Variants in KCNH1 observed in about 807,000 individuals in gnomAD.
KCNH1 encodes the protein potassium voltage-gated channel subfamily H member 1, also known as voltage-gated delayed rectifier potassium channel KCNH1.
Under a neutral mutation model 69.2 loss-of-function variants are expected in KCNH1, and 27 were observed. That is an observed-to-expected ratio of 0.39 (90% CI 0.29 to 0.54). KCNH1 has a LOEUF of 0.54. Among genes scored for constraint, KCNH1 ranks in the 20% least tolerant of loss-of-function variants. The pLI, the probability that KCNH1 is intolerant of heterozygous loss-of-function variation, is 0.68. For missense variants in KCNH1, 798 were observed against 1,261.6 expected (o/e 0.63, Z 5.57); for synonymous variants, 456 against 487.7 (o/e 0.93, Z 0.86).
Position 210,683,941 on chromosome 1 carries a change from A to G in KCNH1, c.2310T>C (p.Asn770=), listed in dbSNP as rs757423462. 2.5e-6 allele frequency: 4 copies of G among 1,608,014 alleles called. No homozygotes were observed. In the South Asian group the frequency reaches 4.4e-5, roughly 18 times the overall value. Residue 770 remains asparagine (N), a synonymous_variant, in exon 11 of 11, where the codon AAT becomes AAC. Coordinates refer to ENST00000271751, the MANE Select transcript of KCNH1 (RefSeq NM_172362.3). This position sits in a 1 kb window ranked among gnomAD's most constrained non-coding sequence, Gnocchi z 5.7. ...TGGCGGAGGCATGCTCTGTAAGGAC[A>G]TTGCCCTTCTCCACATCTAGGTCAT... ...DLDDLDVEKG[N]VLTEHASANH... is the part of the protein sequence containing the mutation.
intron 7 of KCNH1, among the ~76,000 whole-genome samples, chr1:210,856,565 C>G (rs1298379182): frequency 6.6e-6 from 1 of 151,584 alleles, no homozygotes; most frequent in Non-Finnish European, 1.5e-5. Context: ...TCTGTCTCTG[C>G]CATGTGCACA....
chr1:210,832,776 C>T (rs1167470306), intron 7 of KCNH1, among the ~76,000 whole-genome samples: 1 of 151,864 alleles, frequency 6.6e-6, no homozygotes, highest in Non-Finnish European at 1.5e-5. Flanking sequence ...TAGAAGCCAC[C>T]TCAGAGAAGA....
intron 10 of KCNH1, among the ~76,000 whole-genome samples, chr1:210,731,267 A>G (rs1682741443): frequency 6.6e-6 from 1 of 152,188 alleles, no homozygotes; most frequent in Non-Finnish European, 1.5e-5. Context: ...ATAAAAGCCC[A>G]TATACTTGGA....
intron 10 of KCNH1, among the ~76,000 whole-genome samples, chr1:210,689,362 T>G (rs192626312): frequency 6.6e-6 from 1 of 152,282 alleles, no homozygotes; most frequent in African/African-American, 2.4e-5. Context: ...AGCTAGAGTT[T>G]GAGGAGTTGT....
intron 7 of KCNH1, among the ~76,000 whole-genome samples, chr1:210,806,826 AAAAAAAAAAAATAT>A (rs1466294524): frequency 5.2e-4 from 25 of 48,226 alleles, no homozygotes; most frequent in Middle Eastern, 0.034. Context: ...AAAAAAAAAA[AAAAAAAAAAAATAT>A]ATATATATAT....
intron 10 of KCNH1, among the ~76,000 whole-genome samples, chr1:210,738,251 T>C (rs2149035302): frequency 6.6e-6 from 1 of 152,330 alleles, no homozygotes; most frequent in African/African-American, 2.4e-5. Flanking sequence ...CTCAAATGTC[T>C]CCTTACTTGT....
chr1:210,690,367 G>A (rs1280121456), intron 10 of KCNH1, among the ~76,000 whole-genome samples: 1 of 152,100 alleles, frequency 6.6e-6, no homozygotes, highest in Non-Finnish European at 1.5e-5. Flanking sequence ...CAGAGCTGGG[G>A]TCCATGCTGG....
At chr1:210,940,172 C>A (rs1687851852) in intron 6 of KCNH1, among the ~76,000 whole-genome samples, 1 of 152,174 alleles carries the variant, frequency 6.6e-6, no homozygotes. Flanking sequence ...CAACATTTTA[C>A]TTTAGGCTGG....
chr1:211,010,163 T>C (rs1268704353), intron 6 of KCNH1, among the ~76,000 whole-genome samples: 1 of 151,850 alleles, frequency 6.6e-6, no homozygotes, highest in African/African-American at 2.4e-5. Context: ...ACGCAGAAAA[T>C]AGAGTCCAAG....
At chr1:210,849,640 A>G (rs1685640148) in intron 7 of KCNH1, among the ~76,000 whole-genome samples, 1 of 151,988 alleles carries the variant, frequency 6.6e-6, no homozygotes, top group Admixed American at 6.5e-5. Context: ...TGCTGGGATT[A>G]CAGGCATGAG....
intron 7 of KCNH1, among the ~76,000 whole-genome samples, chr1:210,847,539 A>G (rs1332365261): frequency 3.5e-5 from 5 of 144,186 alleles, no homozygotes; most frequent in African/African-American, 1.3e-4. Flanking sequence ...ATGAGAACAC[A>G]TGAAGACAGT....
At chr1:210,724,727 G>T (rs1353991520) in intron 10 of KCNH1, among the ~76,000 whole-genome samples, 1 of 152,114 alleles carries the variant, frequency 6.6e-6, no homozygotes, top group African/African-American at 2.4e-5. Flanking sequence ...TCTCATAATA[G>T]CTTCTGGGAC....
chr1:210,955,527 T>C (rs550051727), intron 6 of KCNH1, among the ~76,000 whole-genome samples: 146 of 152,340 alleles, frequency 9.6e-4, no homozygotes, highest in African/African-American at 3.4e-3. Flanking sequence ...ATTCTTCCTG[T>C]CCATGAGCAT....
At chr1:210,951,016 T>C (rs943067792) in intron 6 of KCNH1, among the ~76,000 whole-genome samples, 5 of 152,166 alleles carry the variant, frequency 3.3e-5, no homozygotes, top group African/African-American at 4.8e-5. Flanking sequence ...TAAAGTGCTA[T>C]AAAGGACATT....
intron 6 of KCNH1, among the ~76,000 whole-genome samples, chr1:211,013,181 T>A (rs1374843966): frequency 1.3e-5 from 2 of 152,114 alleles, no homozygotes; most frequent in Non-Finnish European, 2.9e-5. Flanking sequence ...CAGCCATAAG[T>A]TAACAGGATA....
At position 211,095,792 on chromosome 1, in the gene KCNH1, T is replaced by G. The variant is rs74156902; in HGVS notation, c.311-5102A>C. The stretch of plus-strand genomic sequence containing the variant: ...AACAATTGGTCTGGGGTCAACTTTA[T>G]GGAGATGAATGACAAGTACAGAGAG... On this transcript the variant is annotated intron_variant, in intron 3 of 10. Transcript: ENST00000271751. 3.0e-3 allele frequency among the ~76,000 whole-genome samples: 451 copies of G among 152,188 alleles called. 1 individual carries two copies. The highest frequency in any genetic ancestry group is 0.01 in the African/African-American group (436 of 41,526).
At chr1:211,064,421 C>T (rs1008326108) in intron 5 of KCNH1, among the ~76,000 whole-genome samples, 5 of 151,866 alleles carry the variant, frequency 3.3e-5, no homozygotes, top group Admixed American at 1.3e-4. Flanking sequence ...AATTGCCCGG[C>T]GTGGTGGTGG....
intron 10 of KCNH1, among the ~76,000 whole-genome samples, chr1:210,733,801 G>C (rs151055665): frequency 0.014 from 2,199 of 152,238 alleles, 59 homozygotes; most frequent in African/African-American, 0.049. Flanking sequence ...CAACAAAATG[G>C]GGAAGGACAC....
intron 9 of KCNH1, among the ~76,000 whole-genome samples, chr1:210,783,305 C>T (rs1684027577): frequency 6.6e-6 from 1 of 152,158 alleles, no homozygotes; most frequent in Non-Finnish European, 1.5e-5. Context: ...ATGACACCTG[C>T]CTTGGGTGGG....
Sources: gnomAD v4.1 joint callset for allele counts (sites outside exome capture counted in the v4.1 genomes callset) on GRCh38, gnomAD v4.1.1 for gene constraint, Gnocchi (gnomAD v3.1) non-coding constraint, MANE v1.5 for transcripts, NCBI Gene and HGNC (gene_info 2026-07-23, HGNC 2026-07-21) for gene names.